Variants in EGFR observed in about 807,000 individuals in gnomAD.
EGFR encodes the protein epidermal growth factor receptor.
A neutral mutation model predicts 143.0 loss-of-function variants in EGFR; 58 were observed. The ratio of observed to expected loss-of-function variants is 0.41; its 90% CI spans 0.33 to 0.50. The LOEUF (loss-of-function observed/expected upper bound fraction) is 0.50, where lower values mean the gene tolerates loss of function less well. EGFR is among the 20% of genes least tolerant of loss of function. The probability of loss-of-function intolerance (pLI) is 0.39; values close to 1 mark genes in which losing one functional copy is unlikely to be tolerated. For missense variants in EGFR, 1,307 were observed against 1,579.0 expected (o/e 0.83, Z 2.92); for synonymous variants, 613 against 594.4 (o/e 1.03, Z -0.45).
chr7:55,201,473 C>A, intron 25 of EGFR, 118 bp downstream of exon 25: 1 of 1,433,640 alleles, frequency 7.0e-7, no homozygotes, highest in Non-Finnish European at 9.6e-7. Context: ...CAATTTTAAC[C>A]AAATGGTAAA....
chr7:55,153,924 G>A lies in EGFR; in HGVS notation c.748-87G>A, dbSNP rs970367096. On this transcript the variant is annotated intron_variant, in intron 6 of 27. Transcript: ENST00000275493. ...AAGACAGTAACTTGGGCTTTCTGAC[G>A]GGAGTCAACACCGTGCTGCGCTTCC... The A allele has an allele frequency of 2.3e-5, 36 of 1,591,982 alleles. No homozygotes were observed. In the East Asian group the frequency reaches 4.3e-4, roughly 19 times the overall value.
chr7:55,182,917 T>C (rs1786957132), intron 20 of EGFR, among the ~76,000 whole-genome samples: 1 of 152,160 alleles, frequency 6.6e-6, no homozygotes, highest in East Asian at 1.9e-4. Context: ...AGGTGCTTGT[T>C]ATTTCTGTGT....
At chr7:55,204,309 C>T (rs867440032) in intron 27 of EGFR, among the ~76,000 whole-genome samples, 32 of 142,168 alleles carry the variant, frequency 2.3e-4, no homozygotes, top group African/African-American at 4.4e-4. Flanking sequence ...CATGTACACA[C>T]GCCACACACA....
rs544408565 is a variant in EGFR at position 55,178,838 on chromosome 7, C to G, written c.2284-2455C>G. Among the ~76,000 whole-genome samples the G allele has an allele frequency of 2.6e-5, 4 of 152,302 alleles. No individual in the cohort carries two copies. The South Asian group carries it at 8.3e-4, about 32-fold the overall frequency. On this transcript the variant is annotated intron_variant, in intron 19 of 27. Transcript: ENST00000275493. ...AACACTCTGCAGGAAATATTTAAAG[C>G]TATAGTTTTTGTTTGTTTGTCTTGA...
intron 1 of EGFR, among the ~76,000 whole-genome samples, chr7:55,076,990 A>C (rs17289232): frequency 0.036 from 5,509 of 151,914 alleles, 223 homozygotes; most frequent in African/African-American, 0.1. Context: ...CACTACAGTC[A>C]TAAGATACAC....
At chr7:55,183,086 T>C in intron 20 of EGFR, among the ~76,000 whole-genome samples, 1 of 152,174 alleles carries the variant, frequency 6.6e-6, no homozygotes, top group African/African-American at 2.4e-5. Context: ...CCTCTCTGGC[T>C]TCTGGTGGCT....
At chr7:55,150,115 G>A (rs1020159642) in intron 4 of EGFR, among the ~76,000 whole-genome samples, 9 of 152,076 alleles carry the variant, frequency 5.9e-5, no homozygotes, top group Admixed American at 1.3e-4. Context: ...AATGTTTCCC[G>A]TTAGAAAAAG....
intron 1 of EGFR, among the ~76,000 whole-genome samples, chr7:55,081,407 G>C (rs551514572): frequency 8.5e-5 from 13 of 152,286 alleles, no homozygotes; most frequent in African/African-American, 3.1e-4. Context: ...GTCTTGTTTA[G>C]ACTGGACCTG....
At position 55,151,228 on chromosome 7, in the gene EGFR, G is replaced by C. The variant is rs185868754; in HGVS notation, c.560-66G>C. Reference sequence around the variant, plus strand: ...TATTGAATGTGCTTAACTCAGGCCCGGGAAAGGGCGTCATCAGTTTCTCAT... The same window carrying C: ...TATTGAATGTGCTTAACTCAGGCCCCGGAAAGGGCGTCATCAGTTTCTCAT... On this transcript the variant is annotated intron_variant, in intron 4 of 27. Coordinates refer to ENST00000275493, the MANE Select transcript of EGFR (RefSeq NM_005228.5). 12 of 1,503,382 alleles carry C rather than the reference G, an allele frequency of 8.0e-6. No homozygotes were observed. The East Asian group carries it at 2.5e-4, about 31-fold the overall frequency. The allele number at this position is 1,503,382 out of a possible 1,614,324, so 93.1% of individuals were successfully genotyped here. A position where few individuals can be genotyped will look rare whatever the true frequency, so the allele number is the denominator to read the frequency against.
At chr7:55,194,406 C>T (rs552042272) in intron 22 of EGFR, among the ~76,000 whole-genome samples, 3 of 151,816 alleles carry the variant, frequency 2.0e-5, no homozygotes, top group Middle Eastern at 3.2e-3. Flanking sequence ...TTTTGTATCT[C>T]TAGTTGAGAC....
intron 20 of EGFR, among the ~76,000 whole-genome samples, chr7:55,191,014 G>C (rs1238428476): frequency 6.6e-6 from 1 of 152,156 alleles, no homozygotes; most frequent in Non-Finnish European, 1.5e-5. Context: ...GGATCAGCCA[G>C]GGTCAGGGTA....
rs200350081 is a variant in EGFR at position 55,035,523 on chromosome 7, C to A, written c.88+16158C>A. Among the ~76,000 whole-genome samples the A allele has an allele frequency of 9.7e-4, 125 of 128,916 alleles. 1 individual carries two copies. The East Asian group carries it at 0.015, about 15-fold the overall frequency. The allele number at this position is 128,916 out of a possible 152,430, so 84.6% of individuals were successfully genotyped here. On this transcript the variant is annotated intron_variant, in intron 1 of 27. Coordinates refer to ENST00000275493, the MANE Select transcript of EGFR (RefSeq NM_005228.5). Reference sequence around the variant, plus strand: ...CCCCGTCTTCACTAAAAAAAAAAAACAAAAAAAAAACTAGCCACGCATGGT... The same window carrying A: ...CCCCGTCTTCACTAAAAAAAAAAAAAAAAAAAAAAACTAGCCACGCATGGT...
chr7:55,182,648 A>G (rs537838179), intron 20 of EGFR, among the ~76,000 whole-genome samples: 58 of 152,294 alleles, frequency 3.8e-4, no homozygotes, highest in African/African-American at 1.3e-3. Flanking sequence ...ATAACCAGAT[A>G]GCAGCACACC....
intron 15 of EGFR, among the ~76,000 whole-genome samples, chr7:55,168,900 T>C (rs1361765004): frequency 1.3e-5 from 2 of 152,170 alleles, no homozygotes; most frequent in Non-Finnish European, 2.9e-5. Context: ...ATTGTCTCTC[T>C]CATTTCTCAG....
At chr7:55,087,298 C>T (rs1480741067) in intron 1 of EGFR, among the ~76,000 whole-genome samples, 1 of 67,872 alleles carries the variant, frequency 1.5e-5, no homozygotes, top group Admixed American at 1.5e-4. Context: ...AAAAAAAAAA[C>T]CTGTACTCTG....
At chr7:55,022,786 A>T (rs1786652039) in intron 1 of EGFR, among the ~76,000 whole-genome samples, 1 of 152,102 alleles carries the variant, frequency 6.6e-6, no homozygotes, top group African/African-American at 2.4e-5. Context: ...TAGTTTCATA[A>T]CTCATGATTT....
intron 22 of EGFR, among the ~76,000 whole-genome samples, chr7:55,196,138 G>A (rs1383517651): frequency 1.5e-5 from 2 of 137,868 alleles, no homozygotes; most frequent in Admixed American, 1.5e-4. Context: ...CAGTGTAAAA[G>A]CATTCCTTTT....
At chr7:55,181,702 G>A in intron 20 of EGFR, 1 of 612,282 alleles carries the variant, frequency 1.6e-6, no homozygotes, top group Non-Finnish European at 2.9e-6. Flanking sequence ...AGCTACCTTT[G>A]AAGAATTTTC....
intron 1 of EGFR, among the ~76,000 whole-genome samples, chr7:55,049,605 C>A (rs552439042): frequency 3.3e-4 from 50 of 152,216 alleles, no homozygotes; most frequent in African/African-American, 1.1e-3. Flanking sequence ...CCACTGCAGA[C>A]CCTCTCCTCC....
Sources: allele counts gnomAD v4.1 joint callset (sites outside exome capture counted in the v4.1 genomes callset), GRCh38; gene constraint gnomAD v4.1.1; transcripts MANE v1.5; gene names NCBI Gene and HGNC (gene_info 2026-07-23, HGNC 2026-07-21).